Variants in GPI observed in about 807,000 individuals in gnomAD.
GPI encodes D-hexose-6-phosphate anomerase.
In GPI, 56 loss-of-function variants were observed where a neutral mutation model predicts 75.8. That is an observed-to-expected ratio of 0.74 (90% confidence interval 0.60 to 0.92). The LOEUF (loss-of-function observed/expected upper bound fraction) is 0.92, where lower values mean the gene tolerates loss of function less well. GPI is among the 40% of genes least tolerant of loss of function. The pLI, the probability that GPI is intolerant of heterozygous loss-of-function variation, is 0.00. For synonymous variants in GPI, 288 were observed against 285.4 expected (o/e 1.01, Z -0.09); for missense variants, 638 against 741.0 (o/e 0.86, Z 1.61).
chr19:34,370,473 C>T lies in GPI; in HGVS notation c.402+1771C>T, dbSNP rs572559163. Among the ~76,000 whole-genome samples, 37 of 152,200 alleles carry T rather than the reference C, an allele frequency of 2.4e-4. No homozygotes were observed. The East Asian group carries it at 6.8e-3, about 28-fold the overall frequency. On this transcript the variant is annotated intron_variant, in intron 4 of 17. Coordinates refer to ENST00000356487, the MANE Select transcript of GPI (RefSeq NM_000175.5). ...GTGGCTCACGCCTGTAATCCCAGCA[C>T]TCTGGGAGGCTGAGGCAGGTGGATC... is the stretch of plus-strand genomic sequence containing the variant.
At position 34,398,735 on chromosome 19, in the gene GPI, T is replaced by A. The variant is rs140567399; in HGVS notation, c.1270-472T>A. On this transcript the variant is annotated intron_variant, in intron 14 of 17. Coordinates refer to ENST00000356487, the MANE Select transcript of GPI (RefSeq NM_000175.5). The stretch of plus-strand genomic sequence containing the variant: ...TTCTTTTTTTTTTTTTGAGATGGAG[T>A]CTAGGTCTGTCGCCCAGGCTGGAGT... 366 of 154,942 alleles carry A rather than the reference T, an allele frequency of 2.4e-3. 6 individuals carry two copies. The highest frequency in any genetic ancestry group is 6.1e-3 in the South Asian group (33 of 5,382). 9.6% of individuals were successfully genotyped at this position (154,942 alleles called of 1,614,324 possible). A position where few individuals can be genotyped will look rare whatever the true frequency, so the allele number is the denominator to read the frequency against.
Position 34,366,350 on chromosome 19 carries a change from C to A in GPI, c.128C>A (p.Thr43Asn). The change falls in exon 2 of 18, where the codon ACC (threonine) becomes AAC (asparagine). Residue 43 changes from threonine to asparagine, a missense_variant. Thr to Asn is a moderately conservative substitution (Grantham distance 65). Coordinates refer to ENST00000356487, the MANE Select transcript of GPI (RefSeq NM_000175.5). ...NKDRFNHFSL[T>N]LNTNHGHILV... ...GCATCTCCATCTTTCTGCAGCTTGACCCTCAACACCAACCATGGGCATATC... is the reference window on the plus strand; with the variant it reads ...GCATCTCCATCTTTCTGCAGCTTGAACCTCAACACCAACCATGGGCATATC... 6.2e-7 allele frequency: 1 copy of A among 1,607,748 alleles called. No homozygotes were observed. The highest frequency in any genetic ancestry group is 2.2e-5 in the East Asian group (1 of 44,852).
chr19:34,370,582 G>A (rs563696773), intron 4 of GPI, among the ~76,000 whole-genome samples: 7 of 152,132 alleles, frequency 4.6e-5, no homozygotes, highest in Non-Finnish European at 7.4e-5. Flanking sequence ...TTACCTGGGC[G>A]GGCATGGTGG....
rs2075031478 is a variant in GPI, at chr19:34,402,134, G to A, written c.*2098G>A. On this transcript the variant is annotated 3_prime_UTR_variant, in exon 18 of 18. Transcript: ENST00000356487. Reference sequence around the variant, plus strand: ...CATTTTAAAATTTTTGTAGATCAGTGTACTGTTGTAAAAAAAAAAAAATAA... The same window carrying A: ...CATTTTAAAATTTTTGTAGATCAGTATACTGTTGTAAAAAAAAAAAAATAA... The A allele has an allele frequency of 6.6e-6, 1 of 150,662 alleles. No homozygotes were observed. The highest frequency in any genetic ancestry group is 6.6e-5 in the Admixed American group (1 of 15,134). The allele number at this position is 150,662 out of a possible 1,614,324, so 9.3% of individuals were successfully genotyped here.
intron 8 of GPI, chr19:34,379,967 C>T (rs1030878421): frequency 3.7e-6 from 1 of 268,732 alleles, no homozygotes; most frequent in Non-Finnish European, 7.0e-6. Context: ...ACATTTTGCC[C>T]CCTACTTAGT....
At chr19:34,366,649 G>A in intron 2 of GPI, 134 bp from the exon 3 acceptor site, 1 of 776,390 alleles carries the variant, frequency 1.3e-6, no homozygotes, top group South Asian at 1.4e-5. Context: ...ACCCTTCCCA[G>A]ACAGCAGGGG....
intron 12 of GPI, among the ~76,000 whole-genome samples, chr19:34,395,610 G>C (rs2074932328): frequency 6.6e-6 from 1 of 152,152 alleles, no homozygotes; most frequent in South Asian, 2.1e-4. Context: ...AGCTGATTTT[G>C]TGACCGATTT....
chr19:34,399,783 G>A lies in GPI; in HGVS notation c.1539G>A (p.Trp513Ter), dbSNP rs758745151. 1 of 1,613,982 alleles carries A rather than the reference G, an allele frequency of 6.2e-7. No homozygotes were observed. Among genetic ancestry groups the A allele is most frequent in the South Asian group, 1.1e-5 (1 of 91,074 alleles). Residue 513 changes from tryptophan to a stop codon, truncating the protein, a stop_gained and splice_region_variant, in exon 17 of 18, where the codon TGG becomes TGA. Coordinates refer to ENST00000356487, the MANE Select transcript of GPI (RefSeq NM_000175.5). LOFTEE classifies it high-confidence loss of function. ...IIWDINSFDQ[W>*]GVELGKQLAK... is the part of the protein sequence containing the mutation. ...GGGACATCAACAGCTTTGACCAGTG[G>A]GGGTGAGTTGCTCACTTAGGGGAGG...
intron 8 of GPI, chr19:34,379,837 T>A: frequency 1.7e-6 from 1 of 585,650 alleles, no homozygotes; most frequent in South Asian, 2.0e-5. Flanking sequence ...GAACCCTTCA[T>A]ACACATGACC....
rs527520090 is a variant in GPI at position 34,387,819 on chromosome 19, A to T, written c.805-5429A>T. 3.9e-5 allele frequency among the ~76,000 whole-genome samples: 6 copies of T among 152,252 alleles called. No individual in the cohort carries two copies. The East Asian group carries it at 1.2e-3, about 29-fold the overall frequency. On this transcript the variant is annotated intron_variant, in intron 9 of 17. Coordinates refer to ENST00000356487, the MANE Select transcript of GPI (RefSeq NM_000175.5). ...GCACAAAAGTACTGCTGGGCTTGTTAGGTGAAGTGGGTGGGGTCTAGCACA... is the reference window on the plus strand; with the variant it reads ...GCACAAAAGTACTGCTGGGCTTGTTTGGTGAAGTGGGTGGGGTCTAGCACA...
intron 17 of GPI, 33 bp from the exon 18 acceptor site, chr19:34,399,868 T>C: frequency 6.2e-7 from 1 of 1,613,824 alleles, no homozygotes; most frequent in Non-Finnish European, 8.5e-7. Context: ...GCCTTCCTCA[T>C]ACCACTCTTC....
chr19:34,368,367 TCTC>T (rs1401446790), intron 3 of GPI, among the ~76,000 whole-genome samples: 3 of 152,206 alleles, frequency 2.0e-5, no homozygotes, highest in Non-Finnish European at 4.4e-5. Context: ...GGTCCCCTCC[TCTC>T]CTCCTGACTG....
rs1157034155 is a variant in GPI at position 34,377,336 on chromosome 19, A to ATGT, written c.403-167_403-166insTGT. On this transcript the variant is annotated intron_variant, in intron 4 of 17. Transcript: ENST00000356487. ...AAAAAAAAAAAAAAAAAAAAAAAAAAATATATATATATATATATATATGGT... is the reference window on the plus strand; with the variant it reads ...AAAAAAAAAAAAAAAAAAAAAAAAAATGTATATATATATATATATATATATGGT... Among the ~76,000 whole-genome samples the ATGT allele has an allele frequency of 4.1e-5, 2 of 49,328 alleles. 1 individual carries two copies. Among genetic ancestry groups the ATGT allele is most frequent in the Non-Finnish European group, 6.3e-5 (2 of 31,618 alleles). 32.4% of individuals were successfully genotyped at this position (49,328 alleles called of 152,430 possible).
chr19:34,370,804 G>T lies in GPI; in HGVS notation c.402+2102G>T, dbSNP rs556511432. ...CAGCTAGGTGTGGTGGTGTATCCCA[G>T]CTACTTGGGAGGCTGGGGTGGGAGG... On this transcript the variant is annotated intron_variant, in intron 4 of 17. Coordinates refer to ENST00000356487, the MANE Select transcript of GPI (RefSeq NM_000175.5). 6.6e-4 allele frequency among the ~76,000 whole-genome samples: 100 copies of T among 152,246 alleles called. 1 individual carries two copies. Among genetic ancestry groups the T allele is most frequent in the Middle Eastern group, 3.4e-3 (1 of 292 alleles).
intron 12 of GPI, 74 bp from the exon 13 acceptor site, chr19:34,396,227 T>G: frequency 6.4e-7 from 1 of 1,566,814 alleles, no homozygotes; most frequent in Non-Finnish European, 8.7e-7. Flanking sequence ...CTTGAGCCAC[T>G]GCGCTCAGCC....
chr19:34,365,794 G>A (rs950735679), intron 1 of GPI: 1 of 474,128 alleles, frequency 2.1e-6, no homozygotes, highest in Non-Finnish European at 4.2e-6. Flanking sequence ...GGGAGCGTCT[G>A]CAGGGCGGGC....
chr19:34,366,462 C>G (rs2074366953), intron 2 of GPI, 27 bp downstream of exon 2: 4 of 1,511,692 alleles, frequency 2.6e-6, no homozygotes, highest in African/African-American at 1.4e-5. Context: ...GGAGGCATAA[C>G]TGGTAACCGA....
intron 2 of GPI, 146 bp from the exon 3 acceptor site, chr19:34,366,637 A>G: frequency 1.3e-6 from 1 of 758,726 alleles, no homozygotes; most frequent in Non-Finnish European, 2.4e-6. Flanking sequence ...ATGTCTGAGT[A>G]GACCCTTCCC....
At chr19:34,392,290 G>A (rs952054828) in intron 9 of GPI, 3 of 135,080 alleles carry the variant, frequency 2.2e-5, no homozygotes, top group Non-Finnish European at 4.9e-5. Flanking sequence ...GTCAGTGTCT[G>A]AGGAATTAGG....
Sources: allele counts gnomAD v4.1 joint callset (sites outside exome capture counted in the v4.1 genomes callset), GRCh38; gene constraint gnomAD v4.1.1; transcripts MANE v1.5; gene names NCBI Gene and HGNC (gene_info 2026-07-23, HGNC 2026-07-21).